Variants in KLHDC3 observed in about 807,000 individuals in gnomAD.
KLHDC3 encodes kelch domain containing 3.
KLHDC3 carries 5 observed loss-of-function variants against 44.1 expected under a neutral mutation model. That is an observed-to-expected ratio of 0.11 (90% CI 0.06 to 0.24). The LOEUF (loss-of-function observed/expected upper bound fraction) is 0.24, where lower values mean the gene tolerates loss of function less well. KLHDC3 is among the 10% of genes least tolerant of loss of function. The pLI is 1.00. For missense variants in KLHDC3, 247 were observed against 514.3 expected (o/e 0.48, Z 5.03); for synonymous variants, 170 against 189.0 (o/e 0.90, Z 0.82).
At chr6:43,015,883 T>C (rs1762559308) in intron 1 of KLHDC3, among the ~76,000 whole-genome samples, 1 of 149,502 alleles carries the variant, frequency 6.7e-6, no homozygotes, top group Admixed American at 6.6e-5. Flanking sequence ...AGACCATGAC[T>C]TCTCATGCTG....
chr6:43,021,101 A>G lies in KLHDC3; in HGVS notation c.*368A>G, dbSNP rs55796558. 2,743 of 478,724 alleles carry G rather than the reference A, an allele frequency of 5.7e-3. 73 individuals carry two copies. Among genetic ancestry groups the G allele is most frequent in the African/African-American group, 0.047 (2,379 of 50,998 alleles). The allele number at this position is 478,724 out of a possible 1,614,324, so 29.7% of individuals were successfully genotyped here. A position where few individuals can be genotyped will look rare whatever the true frequency, so the allele number is the denominator to read the frequency against. On this transcript the variant is annotated 3_prime_UTR_variant, in exon 11 of 11. Transcript: ENST00000326974. ...GGAGCTTCCCCCTCCCCCTTTGCCTATCCCCTCCCCTCTGCTTGAGCCTTG... is the reference window on the plus strand; with the variant it reads ...GGAGCTTCCCCCTCCCCCTTTGCCTGTCCCCTCCCCTCTGCTTGAGCCTTG...
chr6:43,016,924 G>C, intron 1 of KLHDC3: 1 of 497,536 alleles, frequency 2.0e-6, no homozygotes, highest in Non-Finnish European at 3.6e-6. Flanking sequence ...CTTCACTGTT[G>C]GAGAACACTG....
rs749852518 is a variant in KLHDC3 at position 43,018,559 on chromosome 6, G to C, written c.733+3G>C. ...GGGGCGCCGGAGCCACTCGGCCTGTGAGTGTTTGTTACTTCCCTGTGGAGT... is the reference window on the plus strand; with the variant it reads ...GGGGCGCCGGAGCCACTCGGCCTGTCAGTGTTTGTTACTTCCCTGTGGAGT... On this transcript the variant is annotated splice_donor_region_variant and intron_variant, in intron 6 of 10. Coordinates refer to ENST00000326974, the MANE Select transcript of KLHDC3 (RefSeq NM_057161.4). This position sits in a 1 kb window ranked among gnomAD's most constrained non-coding sequence, Gnocchi z 6.0. The C allele has an allele frequency of 6.2e-7, 1 of 1,613,906 alleles. No homozygotes were observed. The highest frequency in any genetic ancestry group is 1.1e-5 in the South Asian group (1 of 91,070).
rs1463598905 is a variant in KLHDC3, at chr6:43,021,219, A to T, written c.*486A>T. ...AGGTGGGGACCAGCAGATAAATCCC[A>T]CCCTTCCTTGAGCTGTCGCTGTACT... On this transcript the variant is annotated 3_prime_UTR_variant, in exon 11 of 11. Transcript: ENST00000326974. The T allele has an allele frequency of 1.0e-5, 4 of 398,072 alleles. No individual in the cohort carries two copies. The highest frequency in any genetic ancestry group is 2.0e-5 in the Non-Finnish European group (4 of 199,110). The allele number at this position is 398,072 out of a possible 1,614,324, so 24.7% of individuals were successfully genotyped here.
At chr6:43,019,518 G>A in intron 10 of KLHDC3, 152 bp downstream of exon 10, 1 of 611,176 alleles carries the variant, frequency 1.6e-6, no homozygotes, top group South Asian at 2.1e-5. Flanking sequence ...GGAAGGAGGT[G>A]AATTGACAGC....
Position 43,018,732 on chromosome 6 carries a change from G to A in KLHDC3, c.820+13G>A. On this transcript the variant is annotated intron_variant, in intron 7 of 10. Transcript: ENST00000326974. This position sits in a 1 kb window ranked among gnomAD's most constrained non-coding sequence, Gnocchi z 6.0. Reference sequence around the variant, plus strand: ...AAGTTTAATCCTGGTAAAGAGCACTGCATTTAGGGCAGGAACAAGGAGCAA... The same window carrying A: ...AAGTTTAATCCTGGTAAAGAGCACTACATTTAGGGCAGGAACAAGGAGCAA... The A allele has an allele frequency of 1.2e-6, 2 of 1,609,498 alleles. No homozygotes were observed. Among genetic ancestry groups the A allele is most frequent in the Admixed American group, 1.7e-5 (1 of 60,006 alleles).
In KLHDC3 at chr6:43,018,621, C is replaced by T. The variant is rs1434161989; in HGVS notation, c.734-12C>T. ...CCTCTTCACACTCCTGACACTTCCT[C>T]TCTCCTTCCAGTTGGCTACAATGGG... is the stretch of plus-strand genomic sequence containing the variant. On this transcript the variant is annotated splice_polypyrimidine_tract_variant and intron_variant, in intron 6 of 10. Coordinates refer to ENST00000326974, the MANE Select transcript of KLHDC3 (RefSeq NM_057161.4). The surrounding 1 kb of genome is among the most constrained non-coding windows in gnomAD (Gnocchi z 6.0). The T allele has an allele frequency of 6.2e-7, 1 of 1,613,542 alleles. No homozygotes were observed.
Position 43,018,204 on chromosome 6 carries a change from T to C in KLHDC3, c.507T>C (p.Leu169=), listed in dbSNP as rs947610505. 1.9e-6 allele frequency: 3 copies of C among 1,609,414 alleles called. No individual in the cohort carries two copies. The highest frequency in any genetic ancestry group is 2.6e-6 in the Non-Finnish European group (3 of 1,175,866). The part of the protein sequence containing the change: ...KLDTSTMTWT[L]ICTKGSPARW... Reference sequence around the variant, plus strand: ...ATACCAGCACCATGACATGGACTCTTATCTGTACAAAGGTCTGCTCTTTCT... The same window carrying C: ...ATACCAGCACCATGACATGGACTCTCATCTGTACAAAGGTCTGCTCTTTCT... Residue 169 remains leucine (L), a synonymous_variant, in exon 5 of 11, where the codon CTT becomes CTC. Coordinates refer to ENST00000326974, the MANE Select transcript of KLHDC3 (RefSeq NM_057161.4). This position sits in a 1 kb window ranked among gnomAD's most constrained non-coding sequence, Gnocchi z 6.0.
chr6:43,018,107 G>T lies in KLHDC3; in HGVS notation c.448-38G>T. ...ATGGAGGGTCAGAGAGTGACCATTG[G>T]CTCCCTCTTTTCTTCCTCCTTTTCT... On this transcript the variant is annotated intron_variant, in intron 4 of 10. Coordinates refer to ENST00000326974, the MANE Select transcript of KLHDC3 (RefSeq NM_057161.4). The surrounding 1 kb of genome is among the most constrained non-coding windows in gnomAD (Gnocchi z 6.0). 6.6e-7 allele frequency: 1 copy of T among 1,510,410 alleles called. No individual in the cohort carries two copies. The highest frequency in any genetic ancestry group is 2.3e-5 in the East Asian group (1 of 44,374). 93.6% of individuals were successfully genotyped at this position (1,510,410 alleles called of 1,614,324 possible).
intron 10 of KLHDC3, among the ~76,000 whole-genome samples, chr6:43,019,861 C>T (rs1460833260): frequency 1.3e-5 from 2 of 152,142 alleles, no homozygotes; most frequent in Middle Eastern, 3.2e-3. Context: ...TGAGATACTT[C>T]GTCTCTTTGT....
chr6:43,019,850 C>T lies in KLHDC3; in HGVS notation c.1082+484C>T, dbSNP rs116873284. Among the ~76,000 whole-genome samples the T allele has an allele frequency of 2.2e-4, 34 of 152,270 alleles. No homozygotes were observed. In the East Asian group the frequency reaches 5.6e-3, roughly 25 times the overall value. On this transcript the variant is annotated intron_variant, in intron 10 of 10. Transcript: ENST00000326974. ...TATAATTTTTCCTGTCTGGGTCATTCTGAGATACTTCGTCTCTTTGTATCA... is the reference window on the plus strand; with the variant it reads ...TATAATTTTTCCTGTCTGGGTCATTTTGAGATACTTCGTCTCTTTGTATCA...
Position 43,017,846 on chromosome 6 carries a change from C to A in KLHDC3, c.332-7C>A. 1.2e-6 allele frequency: 2 copies of A among 1,611,828 alleles called. No homozygotes were observed. Among genetic ancestry groups the A allele is most frequent in the South Asian group, 1.1e-5 (1 of 91,018 alleles). On this transcript the variant is annotated splice_region_variant and splice_polypyrimidine_tract_variant and intron_variant, in intron 3 of 10. Coordinates refer to ENST00000326974, the MANE Select transcript of KLHDC3 (RefSeq NM_057161.4). This position sits in a 1 kb window ranked among gnomAD's most constrained non-coding sequence, Gnocchi z 6.0. ...GCTTAGTTGAGCCATTTTCTCATCT[C>A]CTTCAGATACGCACAAGTGGTTCAC... is the stretch of plus-strand genomic sequence containing the variant.
Position 43,019,485 on chromosome 6 carries a change from A to G in KLHDC3, c.1082+119A>G, listed in dbSNP as rs973486846. The G allele has an allele frequency of 2.3e-5, 16 of 701,666 alleles. No homozygotes were observed. The East Asian group carries it at 3.5e-4, about 15-fold the overall frequency. 43.5% of individuals were successfully genotyped at this position (701,666 alleles called of 1,614,324 possible). ...GACATTTTTGTTCTGCTGGAGATGT[A>G]GTGTACTTGTGGGAAATGAGATGGA... On this transcript the variant is annotated intron_variant, in intron 10 of 10. Transcript: ENST00000326974.
In KLHDC3 at chr6:43,017,738, C is replaced by A. The variant is rs1237839521; in HGVS notation, c.331+43C>A. 6.2e-7 allele frequency: 1 copy of A among 1,601,898 alleles called. No individual in the cohort carries two copies. The highest frequency in any genetic ancestry group is 8.5e-7 in the Non-Finnish European group (1 of 1,171,334). On this transcript the variant is annotated intron_variant, in intron 3 of 10. Transcript: ENST00000326974. This position sits in a 1 kb window ranked among gnomAD's most constrained non-coding sequence, Gnocchi z 6.0. The stretch of plus-strand genomic sequence containing the variant: ...AGAGGCTATGTCCTTCCAGATGTTG[C>A]CTCAGTTGCCCAAGAAAGGTTTGGG...
At chr6:43,020,094 T>C (rs1762655919) in intron 10 of KLHDC3, among the ~76,000 whole-genome samples, 1 of 152,138 alleles carries the variant, frequency 6.6e-6, no homozygotes, top group African/African-American at 2.4e-5. Context: ...GAGAATTGCT[T>C]GAACCCGGGA....
Position 43,019,373 on chromosome 6 carries a change from C to A in KLHDC3, c.1082+7C>A. ...GTTTGCCTCATGATATCAGGTACAG[C>A]GAGTGGTTGGAAGGGAGGGATTGAG... On this transcript the variant is annotated splice_region_variant and intron_variant, in intron 10 of 10. Coordinates refer to ENST00000326974, the MANE Select transcript of KLHDC3 (RefSeq NM_057161.4). The A allele has an allele frequency of 6.2e-7, 1 of 1,602,432 alleles. No homozygotes were observed. Among genetic ancestry groups the A allele is most frequent in the Non-Finnish European group, 8.5e-7 (1 of 1,169,684 alleles).
At position 43,017,112 on chromosome 6, in the gene KLHDC3, C is replaced by G; in HGVS notation, c.-59-22C>G. 6.7e-7 allele frequency: 1 copy of G among 1,501,940 alleles called. No homozygotes were observed. Among genetic ancestry groups the G allele is most frequent in the Non-Finnish European group, 9.0e-7 (1 of 1,108,488 alleles). 93.0% of individuals were successfully genotyped at this position (1,501,940 alleles called of 1,614,324 possible). A position where few individuals can be genotyped will look rare whatever the true frequency, so the allele number is the denominator to read the frequency against. On this transcript the variant is annotated intron_variant, in intron 1 of 10. Coordinates refer to ENST00000326974, the MANE Select transcript of KLHDC3 (RefSeq NM_057161.4). This position sits in a 1 kb window ranked among gnomAD's most constrained non-coding sequence, Gnocchi z 6.0. Reference sequence around the variant, plus strand: ...GGGCAGAAGCCTCGCCTGAGGATCCCGTGGCCCCAATTTGTGTGCAGATAG... The same window carrying G: ...GGGCAGAAGCCTCGCCTGAGGATCCGGTGGCCCCAATTTGTGTGCAGATAG...
Position 43,017,198 on chromosome 6 carries a change from A to T in KLHDC3, c.6A>T (p.Leu2Phe), listed in dbSNP as rs1261359506. The T allele has an allele frequency of 6.2e-7, 1 of 1,612,756 alleles. No homozygotes were observed. The highest frequency in any genetic ancestry group is 1.3e-5 in the African/African-American group (1 of 74,932). M[L>F]RWTVHLEGGP... ...TGTAACCAGTGGCCCAGGGGATGTT[A>T]CGGTGGACAGTGCACCTGGAGGGCG... Residue 2 changes from leucine (L) to phenylalanine (F), a missense_variant, in exon 2 of 11, where the codon TTA becomes TTT. Physicochemically the swap from Leu to Phe is conservative, Grantham distance 22. Transcript: ENST00000326974. This position sits in a 1 kb window ranked among gnomAD's most constrained non-coding sequence, Gnocchi z 6.0.
In KLHDC3 at chr6:43,018,056, C is replaced by A; in HGVS notation, c.447+88C>A. The A allele has an allele frequency of 7.0e-7, 1 of 1,432,588 alleles. No individual in the cohort carries two copies. Among genetic ancestry groups the A allele is most frequent in the Non-Finnish European group, 9.9e-7 (1 of 1,014,786 alleles). 88.7% of individuals were successfully genotyped at this position (1,432,588 alleles called of 1,614,324 possible). A position where few individuals can be genotyped will look rare whatever the true frequency, so the allele number is the denominator to read the frequency against. On this transcript the variant is annotated intron_variant, in intron 4 of 10. Coordinates refer to ENST00000326974, the MANE Select transcript of KLHDC3 (RefSeq NM_057161.4). The surrounding 1 kb of genome is among the most constrained non-coding windows in gnomAD (Gnocchi z 6.0). The stretch of plus-strand genomic sequence containing the variant: ...AGGATGGTGAAATGGGAGGCTTTGG[C>A]TTGTTTGCAGGTTTTGAGGGGAGGG...
Sources: gnomAD v4.1 joint callset for allele counts (sites outside exome capture counted in the v4.1 genomes callset) on GRCh38, gnomAD v4.1.1 for gene constraint, Gnocchi (gnomAD v3.1) non-coding constraint, MANE v1.5 for transcripts, NCBI Gene and HGNC (gene_info 2026-07-23, HGNC 2026-07-21) for gene names.